Variants in KIAA1217 observed in about 807,000 individuals in gnomAD.
KIAA1217 encodes the protein KIAA1217.
A neutral mutation model predicts 163.9 loss-of-function variants in KIAA1217; 88 were observed. That is an observed-to-expected ratio of 0.54 (90% CI 0.45 to 0.64). KIAA1217 has a LOEUF of 0.64. Among genes scored for constraint, KIAA1217 ranks in the 30% least tolerant of loss-of-function variants. The pLI is 0.00. For synonymous variants in KIAA1217, 903 were observed against 923.1 expected (o/e 0.98, Z 0.39); for missense variants, 2,372 against 2,475.0 (o/e 0.96, Z 0.88).
chr10:24,520,065 C>T, intron 10 of KIAA1217, 58 bp from the exon 11 acceptor site: 1 of 1,553,958 alleles, frequency 6.4e-7, no homozygotes, highest in Non-Finnish European at 8.7e-7. Context: ...TCGGCCCCTC[C>T]TCTTCCTCTG....
At chr10:24,131,705 A>C (rs1298425202) in intron 2 of KIAA1217, among the ~76,000 whole-genome samples, 1 of 152,230 alleles carries the variant, frequency 6.6e-6, no homozygotes, top group Admixed American at 6.5e-5. Context: ...ACTAAAAATG[A>C]AATCATTTAA....
intron 5 of KIAA1217, among the ~76,000 whole-genome samples, chr10:24,444,621 G>C (rs2060773476): frequency 6.6e-6 from 1 of 152,160 alleles, no homozygotes. Context: ...GATGCGCTGA[G>C]TGTCCTACTG....
rs1398019780 is a variant in KIAA1217 at position 24,213,325 on chromosome 10, C to A, written c.70+4062C>A. On this transcript the variant is annotated intron_variant, in intron 1 of 20. Transcript: ENST00000376454. ...ATGACTCTGTCCACAGCAGTCCTGA[C>A]GTGTGTGCTTTTGCTCTGGTTCCTA... Among the ~76,000 whole-genome samples, 7 of 152,272 alleles carry A rather than the reference C, an allele frequency of 4.6e-5. No individual in the cohort carries two copies. The South Asian group carries it at 1.5e-3, about 32-fold the overall frequency.
intron 2 of KIAA1217, among the ~76,000 whole-genome samples, chr10:24,263,208 A>T (rs1053062635): frequency 6.6e-6 from 1 of 152,214 alleles, no homozygotes; most frequent in Non-Finnish European, 1.5e-5. Context: ...ACGGAAGATT[A>T]GCAACTATGC....
At chr10:24,406,543 T>C (rs1374148454) in intron 3 of KIAA1217, among the ~76,000 whole-genome samples, 1 of 152,180 alleles carries the variant, frequency 6.6e-6, no homozygotes, top group Non-Finnish European at 1.5e-5. Flanking sequence ...GGTCTATCAG[T>C]CTTTTTCTCC....
chr10:23,792,566 C>G (rs1205084443), intron 1 of KIAA1217, among the ~76,000 whole-genome samples: 38 of 151,788 alleles, frequency 2.5e-4, no homozygotes, highest in Non-Finnish European at 7.4e-5. Flanking sequence ...GATCTTGGCT[C>G]ACTGCAAGCT....
In KIAA1217 at chr10:24,286,367, A is replaced by G. The variant is rs76492146; in HGVS notation, c.354+66458A>G. ...TAGATTTTAAAAGTTAGTTCAGAAT[A>G]AAGTTTACCCTTCCTCATTAATACA... On this transcript the variant is annotated intron_variant, in intron 2 of 20. Coordinates refer to ENST00000376454, the MANE Select transcript of KIAA1217 (RefSeq NM_019590.5). 9.5e-3 allele frequency among the ~76,000 whole-genome samples: 1,440 copies of G among 152,200 alleles called. 27 individuals are homozygous for G. Among genetic ancestry groups the G allele is most frequent in the East Asian group, 0.083 (431 of 5,182 alleles).
chr10:23,958,171 G>T (rs991881751), intron 1 of KIAA1217, among the ~76,000 whole-genome samples: 5 of 152,172 alleles, frequency 3.3e-5, no homozygotes, highest in African/African-American at 1.2e-4. Context: ...GCAAAATAGA[G>T]GGAAGGTCCT....
intron 3 of KIAA1217, among the ~76,000 whole-genome samples, chr10:24,430,792 C>A (rs543677325): frequency 6.6e-6 from 1 of 152,300 alleles, no homozygotes; most frequent in South Asian, 2.1e-4. Flanking sequence ...GACAGTGATT[C>A]GAGCAATGGG....
intron 9 of KIAA1217, among the ~76,000 whole-genome samples, chr10:24,504,923 TCTG>T (rs1039221622): frequency 6.6e-6 from 1 of 152,178 alleles, no homozygotes; most frequent in African/African-American, 2.4e-5. Context: ...CATGTTATCT[TCTG>T]CTCTCCAATT....
At chr10:24,002,933 T>C (rs1846818042) in intron 1 of KIAA1217, among the ~76,000 whole-genome samples, 1 of 152,236 alleles carries the variant, frequency 6.6e-6, no homozygotes, top group Non-Finnish European at 1.5e-5. Flanking sequence ...TTACTTCACT[T>C]GGAATAATGG....
intron 1 of KIAA1217, among the ~76,000 whole-genome samples, chr10:23,858,594 C>G (rs1839812941): frequency 6.6e-6 from 1 of 152,066 alleles, no homozygotes; most frequent in Non-Finnish European, 1.5e-5. Flanking sequence ...GAATCTGACT[C>G]TGAATATCAT....
intron 2 of KIAA1217, among the ~76,000 whole-genome samples, chr10:24,228,793 G>A (rs1006151141): frequency 1.3e-5 from 2 of 152,142 alleles, no homozygotes; most frequent in African/African-American, 4.8e-5. Context: ...CTCTCCCAAT[G>A]TAATTGATTA....
chr10:24,528,314 T>G (rs928348762), intron 14 of KIAA1217, among the ~76,000 whole-genome samples, 195 bp downstream of exon 14: 3 of 122,244 alleles, frequency 2.5e-5, no homozygotes, highest in African/African-American at 9.0e-5. Flanking sequence ...TTTTTGTTTT[T>G]TTTTTTTGTT....
At chr10:23,957,151 C>G (rs145719666) in intron 1 of KIAA1217, among the ~76,000 whole-genome samples, 4,097 of 152,220 alleles carry the variant, frequency 0.027, 100 homozygotes, top group Middle Eastern at 0.048. Flanking sequence ...CCCAGCTGCT[C>G]TAAGCAGAAC....
intron 2 of KIAA1217, among the ~76,000 whole-genome samples, chr10:24,198,446 T>G (rs2067090985): frequency 6.6e-6 from 1 of 152,002 alleles, no homozygotes; most frequent in Non-Finnish European, 1.5e-5. Context: ...CCATCTGTAC[T>G]AAAAATACAA....
chr10:23,732,184 T>A (rs1213711976), intron 1 of KIAA1217, among the ~76,000 whole-genome samples: 2 of 152,120 alleles, frequency 1.3e-5, no homozygotes, highest in African/African-American at 4.8e-5. Flanking sequence ...CTTTAAATGT[T>A]TGATAGCATT....
Position 24,500,527 on chromosome 10 carries a change from A to G in KIAA1217, c.1835-852A>G, listed in dbSNP as rs141785560. ...CTGAAGAATTTTTGCATCTTGCCTT[A>G]TTTTCTTACTAAAGGAGTTGTGTGC... is the stretch of plus-strand genomic sequence containing the variant. On this transcript the variant is annotated intron_variant, in intron 8 of 20. Transcript: ENST00000376454. Among the ~76,000 whole-genome samples, 1,485 of 151,830 alleles carry G rather than the reference A, an allele frequency of 9.8e-3. 27 individuals carry two copies. Among genetic ancestry groups the G allele is most frequent in the African/African-American group, 0.035 (1,428 of 41,374 alleles).
At chr10:23,832,949 A>G (rs1031711442) in intron 1 of KIAA1217, among the ~76,000 whole-genome samples, 1 of 152,146 alleles carries the variant, frequency 6.6e-6, no homozygotes, top group African/African-American at 2.4e-5. Flanking sequence ...AGACTTATTC[A>G]CTATCATGAG....
Sources: gnomAD v4.1 joint callset for allele counts (sites outside exome capture counted in the v4.1 genomes callset) on GRCh38, gnomAD v4.1.1 for gene constraint, MANE v1.5 for transcripts, NCBI Gene and HGNC (gene_info 2026-07-23, HGNC 2026-07-21) for gene names.